MBD5: variants seen among roughly 807,000 people sequenced by gnomAD.
The protein encoded by MBD5 is methyl-CpG-binding domain protein 5.
MBD5 carries 13 observed loss-of-function variants against 117.3 expected under a neutral mutation model. The observed-to-expected ratio is 0.11, with a 90% CI of 0.07 to 0.18. The LOEUF is 0.18. Among genes scored for constraint, MBD5 ranks in the 10% least tolerant of loss-of-function variants. The pLI is 1.00. For synonymous variants in MBD5, 727 were observed against 766.4 expected, an observed-to-expected ratio of 0.95 and a Z score of 0.85; for missense variants, 1,879 against 2,093.8, an observed-to-expected ratio of 0.90 and a Z score of 2.00.
In MBD5 at chr2:148,489,913, A is replaced by T; in HGVS notation, c.4281A>T (p.Lys1427Asn). 6.2e-7 allele frequency: 1 copy of T among 1,614,164 alleles called. No individual in the cohort carries two copies. Among genetic ancestry groups the T allele is most frequent in the Non-Finnish European group, 8.5e-7 (1 of 1,180,020 alleles). ...AGTCAGCAAGTTGCCACACATCCAA[A>T]AAACAGTGGGACGGGGAGCAAAGCC... is the stretch of plus-strand genomic sequence containing the variant. ...YFKSASCHTS[K>N]KQWDGEQSPR... Residue 1427 changes from lysine (K) to asparagine (N), a missense_variant, in exon 11 of 14, where the codon AAA (lysine) becomes AAT (asparagine). Lys to Asn is a moderately conservative substitution (Grantham distance 94). Around this residue, in one of 4 missense-constraint regions of MBD5, gnomAD observed 1,666 missense variants for 1,792.2 expected, o/e 0.93. Transcript: ENST00000642680.
intron 4 of MBD5, among the ~76,000 whole-genome samples, chr2:148,442,364 C>T (rs1413999733): frequency 6.6e-6 from 1 of 151,222 alleles, no homozygotes; most frequent in Non-Finnish European, 1.5e-5. Context: ...CAAAGCCAAC[C>T]TTCAAGGAGC....
chr2:148,324,367 T>A (rs1456564445), intron 3 of MBD5, among the ~76,000 whole-genome samples: 1 of 152,222 alleles, frequency 6.6e-6, no homozygotes, highest in African/African-American at 2.4e-5. Flanking sequence ...TTTCCAATTC[T>A]GTGAAGAAAG....
At chr2:148,346,218 G>C (rs1703121493) in intron 4 of MBD5, 1 of 151,966 alleles carries the variant, frequency 6.6e-6, no homozygotes, top group African/African-American at 2.4e-5. Flanking sequence ...AAGAGGAAGA[G>C]GAAGAGGAAG....
intron 4 of MBD5, among the ~76,000 whole-genome samples, chr2:148,386,441 G>A (rs899640171): frequency 4.5e-4 from 68 of 152,194 alleles, no homozygotes; most frequent in African/African-American, 1.4e-3. Flanking sequence ...TATGCCGGCC[G>A]GGCGCGGTGG....
intron 4 of MBD5, among the ~76,000 whole-genome samples, chr2:148,377,995 C>G (rs1704037843): frequency 6.6e-6 from 1 of 151,994 alleles, no homozygotes; most frequent in Non-Finnish European, 1.5e-5. Context: ...AAAGTGTTCC[C>G]CCTTTATAGA....
At position 148,476,247 on chromosome 2, in the gene MBD5, C is replaced by G. The variant is rs537341517; in HGVS notation, c.2518+5786C>G. On this transcript the variant is annotated intron_variant, in intron 8 of 13. Transcript: ENST00000642680. The stretch of plus-strand genomic sequence containing the variant: ...AGAGCACAGCTCCATAGACCATCTC[C>G]TACAGAGTTGAGCAACTGAGAGGCC... Among the ~76,000 whole-genome samples the G allele has an allele frequency of 2.8e-4, 42 of 152,336 alleles. 1 individual carries two copies. The highest frequency in any genetic ancestry group is 1.3e-4 in the Admixed American group (2 of 15,294).
chr2:148,063,134 T>C (rs1475249583), intron 1 of MBD5, among the ~76,000 whole-genome samples: 1 of 152,168 alleles, frequency 6.6e-6, no homozygotes, highest in East Asian at 1.9e-4. Context: ...ACAAATGTTT[T>C]TCAATAAAGT....
At chr2:148,134,234 A>AGATT (rs1553475733) in intron 1 of MBD5, among the ~76,000 whole-genome samples, 4 of 151,060 alleles carry the variant, frequency 2.6e-5, no homozygotes, top group South Asian at 2.1e-4. Context: ...ATAGATAGAT[A>AGATT]GATCGATCGA....
At chr2:148,273,622 C>G (rs966858204) in intron 3 of MBD5, among the ~76,000 whole-genome samples, 6 of 152,138 alleles carry the variant, frequency 3.9e-5, no homozygotes, top group African/African-American at 1.2e-4. Context: ...ATCCCCAACC[C>G]AACCAATCAG....
chr2:148,499,406 A>G (rs575929271), intron 11 of MBD5, among the ~76,000 whole-genome samples: 20 of 152,330 alleles, frequency 1.3e-4, no homozygotes, highest in African/African-American at 4.8e-4. Context: ...GACATGAGTA[A>G]AGAGTTACAC....
Position 148,225,978 on chromosome 2 carries a change from G to A in MBD5, c.-830-7267G>A, listed in dbSNP as rs184365974. Among the ~76,000 whole-genome samples the A allele has an allele frequency of 9.2e-5, 14 of 152,044 alleles. No homozygotes were observed. In the East Asian group the frequency reaches 2.5e-3, roughly 27 times the overall value. On this transcript the variant is annotated intron_variant, in intron 2 of 13. Coordinates refer to ENST00000642680, the MANE Select transcript of MBD5 (RefSeq NM_001378120.1). The stretch of plus-strand genomic sequence containing the variant: ...TGTTCTATAACCTTCTTGTACTCTC[G>A]ATATTGATATCTTTTATAGGTTTGG...
intron 1 of MBD5, among the ~76,000 whole-genome samples, chr2:148,159,162 CT>C (rs1334660800): frequency 6.6e-6 from 1 of 152,204 alleles, no homozygotes; most frequent in Non-Finnish European, 1.5e-5. Context: ...CTCAAACACT[CT>C]TATTCTGTTT....
chr2:148,441,380 T>A, intron 4 of MBD5, among the ~76,000 whole-genome samples: 1 of 152,108 alleles, frequency 6.6e-6, no homozygotes, highest in Non-Finnish European at 1.5e-5. Flanking sequence ...CTTGCGATAG[T>A]TTGCTGAGAA....
rs560730818 is a variant in MBD5 at position 148,361,614 on chromosome 2, T to G, written c.-557+19278T>G. On this transcript the variant is annotated intron_variant, in intron 4 of 13. Transcript: ENST00000642680. ...ACAAGAAGGGCTCACATTATCTATA[T>G]AGTCAGAGAAATAGGAACTTAACAA... Among the ~76,000 whole-genome samples, 12 of 152,292 alleles carry G rather than the reference T, an allele frequency of 7.9e-5. No homozygotes were observed. The South Asian group carries it at 8.3e-4, about 11-fold the overall frequency.
intron 1 of MBD5, among the ~76,000 whole-genome samples, chr2:148,126,262 GGGCGTGGTGGTGTGT>G (rs1696891230): frequency 6.6e-6 from 1 of 151,852 alleles, no homozygotes; most frequent in African/African-American, 2.4e-5. Context: ...AAATTTAGCT[GGGCGTGGTGGTGTGT>G]GCCTCTAGTC....
At chr2:148,150,896 A>G (rs1032244086) in intron 1 of MBD5, among the ~76,000 whole-genome samples, 8 of 152,110 alleles carry the variant, frequency 5.3e-5, no homozygotes, top group Non-Finnish European at 1.2e-4. Flanking sequence ...AACAGGGACA[A>G]TTTGGCTTCC....
intron 4 of MBD5, among the ~76,000 whole-genome samples, chr2:148,453,275 A>T (rs1435582498): frequency 6.6e-6 from 1 of 152,180 alleles, no homozygotes; most frequent in Non-Finnish European, 1.5e-5. Context: ...AGAAGAAGCC[A>T]ATGTAAAGAA....
At chr2:148,153,052 T>A (rs974416787) in intron 1 of MBD5, among the ~76,000 whole-genome samples, 2 of 152,110 alleles carry the variant, frequency 1.3e-5, no homozygotes, top group African/African-American at 4.8e-5. Context: ...CTTTACATTT[T>A]GGCATGATTT....
chr2:148,350,923 G>A (rs566478900), intron 4 of MBD5, among the ~76,000 whole-genome samples: 1 of 151,990 alleles, frequency 6.6e-6, no homozygotes, highest in East Asian at 1.9e-4. Context: ...CATTGAATAA[G>A]AACCACAACT....
Sources: allele counts gnomAD v4.1 joint callset (sites outside exome capture counted in the v4.1 genomes callset), GRCh38; gene constraint gnomAD v4.1.1; regional missense constraint gnomAD v4.1.1; transcripts MANE v1.5; gene names NCBI Gene and HGNC (gene_info 2026-07-23, HGNC 2026-07-21).